The following NTM variants were observed in gnomAD, a reference collection of about 807,000 sequenced individuals.
NTM encodes IgLON family member 2.
A neutral mutation model predicts 42.1 loss-of-function variants in NTM; 13 were observed. The observed-to-expected ratio is 0.31, with a 90% CI of 0.20 to 0.49. NTM has a LOEUF of 0.49. Among genes scored for constraint, NTM ranks in the 20% least tolerant of loss-of-function variants. NTM has a pLI of 0.99. For missense variants in NTM, 373 were observed against 452.8 expected (o/e 0.82, Z 1.60); for synonymous variants, 187 against 179.2 (o/e 1.04, Z -0.35).
chr11:131,751,990 T>A (rs548847149), intron 1 of NTM, among the ~76,000 whole-genome samples: 1 of 152,236 alleles, frequency 6.6e-6, no homozygotes, highest in South Asian at 2.1e-4. Flanking sequence ...GAAGCCAACA[T>A]TGACGTAATT....
chr11:131,753,801 A>G (rs1385437039), intron 1 of NTM, among the ~76,000 whole-genome samples: 25 of 150,252 alleles, frequency 1.7e-4, no homozygotes, highest in South Asian at 1.1e-3. Context: ...TAAATGACGA[A>G]TTAATGGGTG....
chr11:131,968,588 C>A (rs961911827), intron 2 of NTM, among the ~76,000 whole-genome samples: 49 of 152,284 alleles, frequency 3.2e-4, no homozygotes, highest in African/African-American at 1.1e-3. Flanking sequence ...CTTGCCTGAT[C>A]AGCGTTTCTG....
intron 4 of NTM, among the ~76,000 whole-genome samples, chr11:132,278,716 A>G (rs2093833817): frequency 7.0e-6 from 1 of 143,412 alleles, no homozygotes; most frequent in South Asian, 2.2e-4. Context: ...CCTCCTTTGG[A>G]ATGTCTTTCT....
intron 2 of NTM, among the ~76,000 whole-genome samples, chr11:131,974,622 C>A (rs919232243): frequency 3.3e-5 from 5 of 152,152 alleles, no homozygotes; most frequent in African/African-American, 4.8e-5. Context: ...GCTCTTGGAT[C>A]TGACTGCCTG....
chr11:131,639,708 A>C (rs1209554279), intron 1 of NTM, among the ~76,000 whole-genome samples: 1 of 152,182 alleles, frequency 6.6e-6, no homozygotes, highest in Non-Finnish European at 1.5e-5. Context: ...CTGTAATCCC[A>C]GCACTTTGGG....
intron 1 of NTM, among the ~76,000 whole-genome samples, chr11:131,686,680 A>G (rs182810829): frequency 1.3e-5 from 2 of 152,138 alleles, no homozygotes; most frequent in Non-Finnish European, 2.9e-5. Context: ...TCAAGGGTCA[A>G]CCGCATCTGG....
At chr11:132,109,367 C>T (rs1170028140) in intron 2 of NTM, among the ~76,000 whole-genome samples, 1 of 152,232 alleles carries the variant, frequency 6.6e-6, no homozygotes, top group Admixed American at 6.5e-5. Flanking sequence ...TCACCCCTTC[C>T]ACCATGTGAG....
At chr11:131,954,840 A>G (rs1473338636) in intron 2 of NTM, among the ~76,000 whole-genome samples, 1 of 152,100 alleles carries the variant, frequency 6.6e-6, no homozygotes, top group Non-Finnish European at 1.5e-5. Context: ...TTTGTTACCT[A>G]CTCATATAAC....
At chr11:131,406,589 G>T (rs1323355657) in intron 1 of NTM, among the ~76,000 whole-genome samples, 2 of 152,012 alleles carry the variant, frequency 1.3e-5, no homozygotes, top group Non-Finnish European at 1.5e-5. Context: ...TATAACATAT[G>T]ATAATGTTTA....
intron 1 of NTM, among the ~76,000 whole-genome samples, chr11:131,878,703 A>G (rs1438984981): frequency 1.4e-5 from 2 of 143,346 alleles, no homozygotes; most frequent in Non-Finnish European, 3.0e-5. Context: ...ATCTTGCACT[A>G]CCTCTCTGTC....
At chr11:132,285,083 T>G (rs1312049343) in intron 4 of NTM, 1 of 152,564 alleles carries the variant, frequency 6.6e-6, no homozygotes, top group Non-Finnish European at 1.5e-5. Context: ...TGCCTGCAGG[T>G]GCTGTCCACT....
At chr11:131,412,893 C>A (rs1946572502) in intron 1 of NTM, among the ~76,000 whole-genome samples, 1 of 151,988 alleles carries the variant, frequency 6.6e-6, no homozygotes, top group African/African-American at 2.4e-5. Context: ...AGTGGAGAAA[C>A]CTACACTAGG....
chr11:132,169,803 A>C (rs559048609), intron 3 of NTM, among the ~76,000 whole-genome samples: 1 of 152,260 alleles, frequency 6.6e-6, no homozygotes, highest in Non-Finnish European at 1.5e-5. Flanking sequence ...TGCTGTCTAC[A>C]TGGATGTTTG....
intron 4 of NTM, among the ~76,000 whole-genome samples, chr11:132,277,351 T>C (rs2093766982): frequency 6.6e-6 from 1 of 152,204 alleles, no homozygotes; most frequent in Non-Finnish European, 1.5e-5. Flanking sequence ...AAACAGGAGA[T>C]AATAGCAAGG....
At chr11:131,937,129 C>G (rs953019193) in intron 2 of NTM, among the ~76,000 whole-genome samples, 1 of 152,130 alleles carries the variant, frequency 6.6e-6, no homozygotes, top group Non-Finnish European at 1.5e-5. Flanking sequence ...GTATCAAAAA[C>G]GTCTACTCTT....
At position 132,091,907 on chromosome 11, in the gene NTM, A is replaced by G. The variant is rs78352063; in HGVS notation, c.168-54375A>G. On this transcript the variant is annotated intron_variant, in intron 2 of 8. Coordinates refer to ENST00000683400, the MANE Select transcript of NTM (RefSeq NM_001352005.2). ...TGCCCAATAAATATTTGTTGAGAAA[A>G]CAGATGAATAAATAAATTAATGAAT... Among the ~76,000 whole-genome samples the G allele has an allele frequency of 1.1e-3, 170 of 152,282 alleles. 2 individuals carry two copies. Among genetic ancestry groups the G allele is most frequent in the African/African-American group, 3.9e-3 (161 of 41,520 alleles).
intron 1 of NTM, among the ~76,000 whole-genome samples, chr11:131,402,878 G>T (rs117869090): frequency 0.01 from 1,591 of 152,222 alleles, 22 homozygotes; most frequent in Non-Finnish European, 0.017. Context: ...ACTGTCATAA[G>T]GTAATGGTGT....
chr11:131,579,010 G>A (rs1371370649), intron 1 of NTM, among the ~76,000 whole-genome samples: 1 of 152,198 alleles, frequency 6.6e-6, no homozygotes, highest in African/African-American at 2.4e-5. Context: ...GACTAAAATA[G>A]AATTTAGGCA....
intron 4 of NTM, among the ~76,000 whole-genome samples, chr11:132,248,404 TTC>T (rs3057988): frequency 0.14 from 21,461 of 151,852 alleles, 1,864 homozygotes; most frequent in East Asian, 0.46. Context: ...GGTTTTTTTT[TTC>T]TCTTTCTTCT....
Sources: gnomAD v4.1 joint callset for allele counts (sites outside exome capture counted in the v4.1 genomes callset) on GRCh38, gnomAD v4.1.1 for gene constraint, MANE v1.5 for transcripts, NCBI Gene and HGNC (gene_info 2026-07-23, HGNC 2026-07-21) for gene names.